The following CYP4X1 variants were observed in gnomAD, a reference collection of about 807,000 sequenced individuals.
CYP4X1 encodes the protein cytochrome P450 4X1.
In CYP4X1, 44 loss-of-function variants were observed where a neutral mutation model predicts 57.9. The ratio of observed to expected loss-of-function variants is 0.76; its 90% CI spans 0.60 to 0.98. The LOEUF (loss-of-function observed/expected upper bound fraction) is 0.98. CYP4X1 is among the 50% of genes least tolerant of loss of function. The pLI is 0.00. For synonymous variants in CYP4X1, 227 were observed against 228.6 expected (o/e 0.99, Z 0.06); for missense variants, 532 against 623.9 (o/e 0.85, Z 1.57).
the CYP4X1 span, among the ~76,000 whole-genome samples, chr1:46,975,862 A>C: frequency 5.9e-5 from 9 of 152,112 alleles, no homozygotes; most frequent in Admixed American, 1.3e-4. Flanking sequence ...GTTCATCAAA[A>C]AAATTTTTTT....
chr1:46,967,033 T>C, the CYP4X1 span, among the ~76,000 whole-genome samples: 1 of 152,244 alleles, frequency 6.6e-6, no homozygotes, highest in African/African-American at 2.4e-5. Flanking sequence ...TTGGACAGGC[T>C]GTAATACCCA....
chr1:47,011,350 G>A, the CYP4X1 span, among the ~76,000 whole-genome samples: 1 of 152,170 alleles, frequency 6.6e-6, no homozygotes, highest in African/African-American at 2.4e-5. Flanking sequence ...AAACTGGCTA[G>A]CCATATGTAG....
At chr1:46,976,858 C>T in the CYP4X1 span, among the ~76,000 whole-genome samples, 3 of 152,184 alleles carry the variant, frequency 2.0e-5, no homozygotes, top group Non-Finnish European at 2.9e-5. Context: ...CCAGCAAACT[C>T]CAACAGACCA....
the CYP4X1 span, among the ~76,000 whole-genome samples, chr1:46,966,732 C>A: frequency 2.0e-5 from 3 of 152,084 alleles, no homozygotes; most frequent in Admixed American, 6.5e-5. Context: ...GGACAAAATC[C>A]CATTCACAAT....
At chr1:47,033,512 T>C (rs1356885441) in intron 4 of CYP4X1, 144 bp downstream of exon 4, 2 of 1,027,676 alleles carry the variant, frequency 1.9e-6, no homozygotes, top group South Asian at 2.0e-5. Flanking sequence ...GAACAATAGG[T>C]GTCTGTAAAA....
At chr1:47,053,417 C>T (rs1644371643), downstream of CYP4X1, among the ~76,000 whole-genome samples, 2 of 152,064 alleles carry the variant, frequency 1.3e-5, 1 homozygote, top group South Asian at 4.1e-4. Flanking sequence ...ATTTATAATC[C>T]TTTGGGTATA....
chr1:46,963,207 A>G, the CYP4X1 span, among the ~76,000 whole-genome samples: 6 of 152,276 alleles, frequency 3.9e-5, no homozygotes, highest in East Asian at 1.2e-3. Context: ...CTCTTTATCC[A>G]ATTTGCCAGT....
the CYP4X1 span, among the ~76,000 whole-genome samples, chr1:47,016,379 TTG>T: frequency 3.3e-5 from 5 of 151,650 alleles, no homozygotes; most frequent in Non-Finnish European, 7.4e-5. Context: ...TCTTGCTCTG[TTG>T]CCCAGGCTGC....
the CYP4X1 span, among the ~76,000 whole-genome samples, chr1:46,995,099 G>C: frequency 6.6e-6 from 1 of 152,118 alleles, no homozygotes; most frequent in Non-Finnish European, 1.5e-5. Context: ...TGATGGTGCT[G>C]GTGGATGGAG....
At chr1:47,048,403 C>T (rs568602574) in intron 9 of CYP4X1, among the ~76,000 whole-genome samples, 162 bp from the exon 10 acceptor site, 16 of 152,264 alleles carry the variant, frequency 1.1e-4, no homozygotes, top group African/African-American at 3.9e-4. Flanking sequence ...CAACCCAAGC[C>T]GCATCTTCTT....
At chr1:46,962,914 T>TAG in the CYP4X1 span, among the ~76,000 whole-genome samples, 1 of 152,164 alleles carries the variant, frequency 6.6e-6, no homozygotes, top group Non-Finnish European at 1.5e-5. Flanking sequence ...TCTAAGGACT[T>TAG]ACTTTATGAA....
chr1:46,978,210 T>C, the CYP4X1 span, among the ~76,000 whole-genome samples: 1 of 152,074 alleles, frequency 6.6e-6, no homozygotes, highest in African/African-American at 2.4e-5. Flanking sequence ...GACCCATCAG[T>C]GTGCTGTATT....
chr1:46,981,326 T>C, the CYP4X1 span, among the ~76,000 whole-genome samples: 2 of 152,056 alleles, frequency 1.3e-5, no homozygotes, highest in Non-Finnish European at 2.9e-5. Flanking sequence ...GCAAAGGATA[T>C]GAACAGACAC....
chr1:47,009,521 A>C, the CYP4X1 span, among the ~76,000 whole-genome samples: 1 of 152,184 alleles, frequency 6.6e-6, no homozygotes, highest in Non-Finnish European at 1.5e-5. Flanking sequence ...AAGAACAAAC[A>C]CGTTCAAAAG....
the CYP4X1 span, among the ~76,000 whole-genome samples, chr1:47,012,115 C>T: frequency 6.6e-6 from 1 of 152,162 alleles, no homozygotes; most frequent in Admixed American, 6.5e-5. Flanking sequence ...CACATGTATG[C>T]TTATTGTGGC....
intron 6 of CYP4X1, among the ~76,000 whole-genome samples, chr1:47,037,303 T>C (rs1386088858): frequency 7.3e-6 from 1 of 137,398 alleles, no homozygotes; most frequent in Non-Finnish European, 1.5e-5. Context: ...TGAGATGGAG[T>C]CTCTATCACT....
intron 3 of CYP4X1, 129 bp downstream of exon 3, chr1:47,031,609 G>A (rs1644124413): frequency 7.3e-6 from 7 of 961,510 alleles, no homozygotes; most frequent in South Asian, 1.7e-5. Flanking sequence ...TATACTGAAC[G>A]TTATCTAGGG....
chr1:46,993,412 T>C, the CYP4X1 span, among the ~76,000 whole-genome samples: 1 of 152,240 alleles, frequency 6.6e-6, no homozygotes, highest in Admixed American at 6.5e-5. Context: ...TGTGTCTTTA[T>C]AGCAGCATGA....
chr1:47,007,154 T>A, the CYP4X1 span, among the ~76,000 whole-genome samples: 1 of 152,066 alleles, frequency 6.6e-6, no homozygotes, highest in Non-Finnish European at 1.5e-5. Flanking sequence ...AAACCCCGAG[T>A]AGCCTAACTG....
Sources: allele counts gnomAD v4.1 joint callset (sites outside exome capture counted in the v4.1 genomes callset), GRCh38; gene constraint gnomAD v4.1.1; transcripts MANE v1.5; gene names NCBI Gene and HGNC (gene_info 2026-07-23, HGNC 2026-07-21).